The following GOLIM4 variants were observed in gnomAD, a reference collection of about 807,000 sequenced individuals.
GOLIM4 encodes golgi integral membrane protein 4.
Under a neutral mutation model 107.4 loss-of-function variants are expected in GOLIM4, and 71 were observed. The ratio of observed to expected loss-of-function variants is 0.66; its 90% CI spans 0.55 to 0.81. The LOEUF is 0.81. GOLIM4 is among the 30% of genes least tolerant of loss of function. The probability of loss-of-function intolerance (pLI) is 0.00; values close to 1 mark genes in which losing one functional copy is unlikely to be tolerated. For missense variants in GOLIM4, 830 were observed against 826.1 expected, an observed-to-expected ratio of 1.00 and a Z score of -0.06; for synonymous variants, 327 against 294.8, an observed-to-expected ratio of 1.11 and a Z score of -1.12.
chr3:168,084,230 G>A (rs1002540410), intron 1 of GOLIM4, among the ~76,000 whole-genome samples: 9 of 152,050 alleles, frequency 5.9e-5, no homozygotes, highest in South Asian at 2.1e-4. Flanking sequence ...TTTGCCCTCT[G>A]CCATCATTGT....
intron 1 of GOLIM4, among the ~76,000 whole-genome samples, chr3:168,089,289 T>A (rs1339670275): frequency 6.6e-6 from 1 of 152,218 alleles, no homozygotes; most frequent in Non-Finnish European, 1.5e-5. Context: ...ATAGACAATG[T>A]CTAGTTCATG....
chr3:168,061,803 G>A (rs1720288055), intron 1 of GOLIM4, among the ~76,000 whole-genome samples: 2 of 152,190 alleles, frequency 1.3e-5, no homozygotes, highest in African/African-American at 4.8e-5. Context: ...CATGGGGGCA[G>A]CGGTCGGGCA....
At chr3:168,061,565 T>C (rs1303797877) in intron 1 of GOLIM4, among the ~76,000 whole-genome samples, 1 of 152,230 alleles carries the variant, frequency 6.6e-6, no homozygotes, top group Non-Finnish European at 1.5e-5. Context: ...AAACCACATC[T>C]ATCATAGTAG....
chr3:168,047,017 GA>G lies in GOLIM4; in HGVS notation c.263-19del. The G allele has an allele frequency of 4.4e-6, 5 of 1,124,566 alleles. No homozygotes were observed. The highest frequency in any genetic ancestry group is 1.6e-5 in the African/African-American group (1 of 61,016). 69.7% of individuals were successfully genotyped at this position (1,124,566 alleles called of 1,614,324 possible). On this transcript the variant is annotated intron_variant, in intron 2 of 15. Coordinates refer to ENST00000470487, the MANE Select transcript of GOLIM4 (RefSeq NM_014498.5). ...AAGAAAATCTAGAAAATACAAGATG[GA>G]AAAAAACAGTGATAATTCACTACAC...
chr3:168,047,549 G>C (rs1434411741), intron 2 of GOLIM4, among the ~76,000 whole-genome samples: 1 of 152,200 alleles, frequency 6.6e-6, no homozygotes, highest in African/African-American at 2.4e-5. Context: ...CCAAGGGTCA[G>C]TAAAACATCC....
chr3:168,095,202 G>C lies in GOLIM4; in HGVS notation c.84C>G (p.Tyr28Ter). The change falls in exon 1 of 16, where the codon TAC becomes TAG. Residue 28 changes from tyrosine (Y) to a stop codon, truncating the protein, a stop_gained. Coordinates refer to ENST00000470487, the MANE Select transcript of GOLIM4 (RefSeq NM_014498.5). LOFTEE classifies it high-confidence loss of function. ...LLLTVVFGFL[Y>*]GAMLYYELQT... ...GCAGCTCGTAGTAGAGCATCGCGCCGTAGAGAAAGCCGAACACGACGGTCA... is the reference window on the plus strand; with the variant it reads ...GCAGCTCGTAGTAGAGCATCGCGCCCTAGAGAAAGCCGAACACGACGGTCA... The C allele has an allele frequency of 6.2e-7, 1 of 1,613,760 alleles. No homozygotes were observed. Among genetic ancestry groups the C allele is most frequent in the Non-Finnish European group, 8.5e-7 (1 of 1,179,972 alleles).
Position 168,033,456 on chromosome 3 carries a change from A to C in GOLIM4, c.844-604T>G, listed in dbSNP as rs545821721. ...CCGTCTCTACTAAAAAAACACAAAAAATTAGCCGGGCGTGGTGGCGGGCGC... is the reference window on the plus strand; with the variant it reads ...CCGTCTCTACTAAAAAAACACAAAACATTAGCCGGGCGTGGTGGCGGGCGC... On this transcript the variant is annotated intron_variant, in intron 8 of 15. Coordinates refer to ENST00000470487, the MANE Select transcript of GOLIM4 (RefSeq NM_014498.5). Among the ~76,000 whole-genome samples the C allele has an allele frequency of 1.3e-3, 190 of 151,202 alleles. 1 individual carries two copies. The East Asian group carries it at 0.013, about 11-fold the overall frequency.
intron 1 of GOLIM4, among the ~76,000 whole-genome samples, chr3:168,078,986 G>A (rs1227433975): frequency 6.6e-6 from 1 of 152,084 alleles, no homozygotes; most frequent in Non-Finnish European, 1.5e-5. Context: ...AACAGATCAG[G>A]AATTATAGTT....
intron 1 of GOLIM4, among the ~76,000 whole-genome samples, chr3:168,070,976 C>T (rs893760006): frequency 1.3e-5 from 2 of 152,136 alleles, no homozygotes; most frequent in Non-Finnish European, 2.9e-5. Flanking sequence ...AAGGTGATAG[C>T]TTTTTTGTCT....
At chr3:168,055,807 A>G in intron 1 of GOLIM4, among the ~76,000 whole-genome samples, 1 of 151,778 alleles carries the variant, frequency 6.6e-6, no homozygotes, top group Non-Finnish European at 1.5e-5. Context: ...GTCTCAAAAA[A>G]AAAAAAAAAA....
chr3:168,019,347 T>C (rs1717553189), intron 14 of GOLIM4, among the ~76,000 whole-genome samples: 1 of 152,212 alleles, frequency 6.6e-6, no homozygotes, highest in Admixed American at 6.5e-5. Context: ...ATTCAAGATA[T>C]GTAATTTTAC....
At chr3:168,090,857 T>C (rs911946350) in intron 1 of GOLIM4, among the ~76,000 whole-genome samples, 1 of 152,222 alleles carries the variant, frequency 6.6e-6, no homozygotes, top group South Asian at 2.1e-4. Context: ...AATGAAATCA[T>C]GTCTTTTGCA....
chr3:168,066,178 C>CT (rs71632490), intron 1 of GOLIM4, among the ~76,000 whole-genome samples: 11,830 of 147,206 alleles, frequency 0.08, 568 homozygotes, highest in East Asian at 0.18. Context: ...GGCTTAAGAT[C>CT]TTTTTTTTTT....
At chr3:168,089,892 TG>T (rs771510636) in intron 1 of GOLIM4, among the ~76,000 whole-genome samples, 8 of 151,794 alleles carry the variant, frequency 5.3e-5, no homozygotes, top group African/African-American at 1.2e-4. Flanking sequence ...CTCAGCCTCC[TG>T]AGTAGCTGGG....
rs114304159 is a variant in GOLIM4, at chr3:168,085,540, C to A, written c.187+9559G>T. ...GAAGATTGTATCAGCAGAACCACTG[C>A]CTATTTGGACCAAAAGGGGTAGAAG... On this transcript the variant is annotated intron_variant, in intron 1 of 15. Coordinates refer to ENST00000470487, the MANE Select transcript of GOLIM4 (RefSeq NM_014498.5). 3.0e-3 allele frequency among the ~76,000 whole-genome samples: 452 copies of A among 152,272 alleles called. 2 individuals carry two copies. The highest frequency in any genetic ancestry group is 0.011 in the African/African-American group (444 of 41,554).
intron 14 of GOLIM4, among the ~76,000 whole-genome samples, chr3:168,011,338 G>A (rs576756862): frequency 4.9e-4 from 75 of 152,172 alleles, no homozygotes; most frequent in Admixed American, 7.2e-4. Context: ...TTTCCGACGG[G>A]ATTAAAAAAC....
intron 14 of GOLIM4, among the ~76,000 whole-genome samples, chr3:168,017,630 G>T (rs1161569416): frequency 6.6e-6 from 1 of 152,232 alleles, no homozygotes; most frequent in Admixed American, 6.5e-5. Flanking sequence ...GATCAAGCTT[G>T]TCCAACCTGT....
rs539586046 is a variant in GOLIM4, at chr3:168,048,960, A to G, written c.188-595T>C. Among the ~76,000 whole-genome samples, 50 of 152,252 alleles carry G rather than the reference A, an allele frequency of 3.3e-4. No homozygotes were observed. The South Asian group carries it at 0.01, about 31-fold the overall frequency. On this transcript the variant is annotated intron_variant, in intron 1 of 15. Transcript: ENST00000470487. ...AGACTAGAGAAGCACAGAAATAGAG[A>G]AGGAAGGGACTCTCCAAAGAATTTA...
chr3:168,045,728 TAAA>T (rs1032542147), intron 3 of GOLIM4, among the ~76,000 whole-genome samples: 3 of 152,128 alleles, frequency 2.0e-5, no homozygotes, highest in Non-Finnish European at 4.4e-5. Flanking sequence ...ATATTTTTAT[TAAA>T]AACTTCTAAA....
Sources: allele counts gnomAD v4.1 joint callset (sites outside exome capture counted in the v4.1 genomes callset), GRCh38; gene constraint gnomAD v4.1.1; transcripts MANE v1.5; gene names NCBI Gene and HGNC (gene_info 2026-07-23, HGNC 2026-07-21).